The following TMEM63A variants were observed in gnomAD, a reference collection of about 807,000 sequenced individuals.
TMEM63A encodes the protein mechanosensitive cation channel TMEM63A.
Under a neutral mutation model 100.6 loss-of-function variants are expected in TMEM63A, and 76 were observed. The observed-to-expected ratio is 0.76, with a 90% CI of 0.63 to 0.91. TMEM63A has a LOEUF of 0.91. Ranked by LOEUF, TMEM63A falls within the 40% of genes least tolerant of loss-of-function variation. TMEM63A has a pLI of 0.00. For missense variants in TMEM63A, 876 were observed against 1,008.8 expected (o/e 0.87, Z 1.78); for synonymous variants, 401 against 401.1 (o/e 1.00, Z 0.00).
chr1:225,844,638 G>T, downstream of TMEM63A: 1 of 1,613,664 alleles, frequency 6.2e-7, no homozygotes, highest in Non-Finnish European at 8.5e-7. Flanking sequence ...GCCTGGCTGA[G>T]CCGAGAACAG....
chr1:225,868,058 G>C (rs1210534169), intron 6 of TMEM63A, 28 bp from the exon 7 acceptor site: 1 of 1,613,288 alleles, frequency 6.2e-7, no homozygotes, highest in Non-Finnish European at 8.5e-7. Context: ...GAATCTTAAT[G>C]AGCAGTGGAA....
Position 225,865,869 on chromosome 1 carries a change from C to G in TMEM63A, c.746+28G>C. On this transcript the variant is annotated intron_variant, in intron 10 of 24. Coordinates refer to ENST00000366835, the MANE Select transcript of TMEM63A (RefSeq NM_014698.3). The surrounding 1 kb of genome is among the most constrained non-coding windows in gnomAD (Gnocchi z 4.6). ...GTGTTGGTCCTACGTGGAGGGGGCT[C>G]AGCTCCCCTCCCACCCCACCTGCTT... is the stretch of plus-strand genomic sequence containing the variant. 6.2e-7 allele frequency: 1 copy of G among 1,610,342 alleles called. No individual in the cohort carries two copies. Among genetic ancestry groups the G allele is most frequent in the Non-Finnish European group, 8.5e-7 (1 of 1,177,456 alleles).
intron 3 of TMEM63A, among the ~76,000 whole-genome samples, chr1:225,876,830 G>A (rs548863616): frequency 6.6e-6 from 1 of 152,162 alleles, no homozygotes; most frequent in East Asian, 1.9e-4. Context: ...TGTATTTTTA[G>A]TAGAGACAGG....
At chr1:225,842,949 ACT>A (rs1235556697), downstream of TMEM63A, among the ~76,000 whole-genome samples, 4 of 152,124 alleles carry the variant, frequency 2.6e-5, no homozygotes, top group Non-Finnish European at 5.9e-5. Flanking sequence ...CTGTGGCCTG[ACT>A]CAGGCTTCAC....
chr1:225,856,695 A>G lies in TMEM63A; in HGVS notation c.1528T>C (p.Leu510=), dbSNP rs1401561300. Residue 510 remains leucine, a synonymous_variant, in exon 17 of 25, where the codon TTG becomes CTG. Transcript: ENST00000366835. ...GGCAGGATCAGCACCATGAAGATCA[A>G]GAATATGTAGACTTTGGTCATCATG... ...QIMMTKVYIF[L]IFMVLILPSL... is the part of the protein sequence containing the mutation. 6.2e-7 allele frequency: 1 copy of G among 1,613,882 alleles called. No homozygotes were observed. The highest frequency in any genetic ancestry group is 8.5e-7 in the Non-Finnish European group (1 of 1,179,956).
intron 3 of TMEM63A, among the ~76,000 whole-genome samples, chr1:225,874,674 G>A (rs182867276): frequency 6.6e-6 from 1 of 152,366 alleles, no homozygotes; most frequent in Admixed American, 6.5e-5. Flanking sequence ...CAAGGCAGCG[G>A]TAACACCACA....
chr1:225,848,433 T>G, intron 23 of TMEM63A, 59 bp downstream of exon 23: 1 of 1,581,822 alleles, frequency 6.3e-7, no homozygotes, highest in Non-Finnish European at 8.6e-7. Flanking sequence ...TGGTTGGGAC[T>G]GTTACAACCA....
chr1:225,841,795 G>T (rs1025628943), downstream of TMEM63A, among the ~76,000 whole-genome samples: 1 of 151,430 alleles, frequency 6.6e-6, no homozygotes. Context: ...ATAGAGATGG[G>T]GTTTCACCAT....
At chr1:225,847,396 C>G in intron 23 of TMEM63A, 183 bp from the exon 24 acceptor site, 1 of 675,912 alleles carries the variant, frequency 1.5e-6, no homozygotes, top group South Asian at 2.1e-5. Context: ...TCCTAGCAGC[C>G]AGGGCAAAAG....
intron 2 of TMEM63A, among the ~76,000 whole-genome samples, chr1:225,878,099 C>T (rs538320847): frequency 3.3e-5 from 5 of 152,224 alleles, no homozygotes; most frequent in Admixed American, 1.3e-4. Context: ...GGTCCATCCA[C>T]GAGCCACAGA....
Position 225,865,470 on chromosome 1 carries a change from A to G in TMEM63A, c.746+427T>C, listed in dbSNP as rs903426986. On this transcript the variant is annotated intron_variant, in intron 10 of 24. Transcript: ENST00000366835. The surrounding 1 kb of genome is among the most constrained non-coding windows in gnomAD (Gnocchi z 4.6). ...GCTCAGTGGGTGGACAAACGAACAA[A>G]CGCAGAGATGGCCCCGAGGTCCTTC... 6.2e-6 allele frequency: 1 copy of G among 161,576 alleles called. No individual in the cohort carries two copies. Among genetic ancestry groups the G allele is most frequent in the African/African-American group, 2.4e-5 (1 of 41,888 alleles). 10.0% of individuals were successfully genotyped at this position (161,576 alleles called of 1,614,324 possible). A position where few individuals can be genotyped will look rare whatever the true frequency, so the allele number is the denominator to read the frequency against.
chr1:225,878,085 C>G (rs1013224033), intron 2 of TMEM63A, among the ~76,000 whole-genome samples: 1 of 152,116 alleles, frequency 6.6e-6, no homozygotes, highest in Non-Finnish European at 1.5e-5. Flanking sequence ...CAAGTATTCA[C>G]GATGGTCCAT....
intron 1 of TMEM63A, among the ~76,000 whole-genome samples, 189 bp from the exon 2 acceptor site, chr1:225,879,599 T>C (rs995403324): frequency 6.6e-6 from 1 of 152,194 alleles, no homozygotes; most frequent in Non-Finnish European, 1.5e-5. Context: ...CATCCATCAG[T>C]GCTCCTCTGT....
chr1:225,841,323 C>A (rs1668391421), downstream of TMEM63A: 1 of 152,238 alleles, frequency 6.6e-6, no homozygotes, highest in African/African-American at 2.4e-5. Context: ...GGCTCTGTTG[C>A]CCAGGGTAGA....
chr1:225,852,665 A>G lies in TMEM63A; in HGVS notation c.1902T>C (p.Phe634=). The G allele has an allele frequency of 1.2e-6, 2 of 1,612,778 alleles. No individual in the cohort carries two copies. Among genetic ancestry groups the G allele is most frequent in the Non-Finnish European group, 8.5e-7 (1 of 1,180,018 alleles). The change falls in exon 20 of 25, where the codon TTT becomes TTC. Residue 634 remains phenylalanine, a splice_region_variant and synonymous_variant. Transcript: ENST00000366835. The stretch of plus-strand genomic sequence containing the variant: ...GGGACAGGCTCCAGGGCCACTCACC[A>G]AATGGCGCGATGATGGGACAAGTGA... The part of the protein sequence containing the change: ...YSITCPIIAP[F]GLIYILLKHM...
At chr1:225,858,974 G>C (rs1266419464) in intron 15 of TMEM63A, among the ~76,000 whole-genome samples, 1 of 151,446 alleles carries the variant, frequency 6.6e-6, no homozygotes, top group East Asian at 1.9e-4. Context: ...GTGTGTGTGT[G>C]TGTGTGTGTG....
At position 225,856,651 on chromosome 1, in the gene TMEM63A, C is replaced by T. The variant is rs1669631484; in HGVS notation, c.1571+1G>A. The T allele has an allele frequency of 6.2e-7, 1 of 1,613,570 alleles. No homozygotes were observed. Among genetic ancestry groups the T allele is most frequent in the Non-Finnish European group, 8.5e-7 (1 of 1,179,862 alleles). ...TTAGAGCAGAAGGTGGTGGCATATA[C>T]CTGGTGAGACCCAGGGAGGGCAGGA... On this transcript the variant is annotated splice_donor_variant, in intron 17 of 24. Transcript: ENST00000366835. LOFTEE classifies it high-confidence loss of function.
At position 225,853,557 on chromosome 1, in the gene TMEM63A, G is replaced by C; in HGVS notation, c.1797+72C>G. On this transcript the variant is annotated intron_variant, in intron 19 of 24. Coordinates refer to ENST00000366835, the MANE Select transcript of TMEM63A (RefSeq NM_014698.3). This position sits in a 1 kb window ranked among gnomAD's most constrained non-coding sequence, Gnocchi z 4.0. ...CCACTAGTGGGGGTAGTGGGGGTGA[G>C]AGGCCCTCGGGTCAGTGAAGGGGGA... The C allele has an allele frequency of 7.1e-7, 1 of 1,415,378 alleles. No individual in the cohort carries two copies. Among genetic ancestry groups the C allele is most frequent in the Non-Finnish European group, 9.4e-7 (1 of 1,066,392 alleles). 87.7% of individuals were successfully genotyped at this position (1,415,378 alleles called of 1,614,324 possible).
intron 15 of TMEM63A, among the ~76,000 whole-genome samples, chr1:225,857,242 A>G (rs555197600): frequency 2.0e-5 from 3 of 152,240 alleles, no homozygotes; most frequent in Non-Finnish European, 4.4e-5. Flanking sequence ...ACAGCACAGC[A>G]AAGAAAGCAA....
Sources: gnomAD v4.1 joint callset for allele counts (sites outside exome capture counted in the v4.1 genomes callset) on GRCh38, gnomAD v4.1.1 for gene constraint, Gnocchi (gnomAD v3.1) non-coding constraint, MANE v1.5 for transcripts, NCBI Gene and HGNC (gene_info 2026-07-23, HGNC 2026-07-21) for gene names.